LRP4: variants seen among roughly 807,000 people sequenced by gnomAD.
LRP4 encodes the protein low-density lipoprotein receptor-related protein 4.
LRP4 carries 95 observed loss-of-function variants against 220.3 expected under a neutral mutation model. The ratio of observed to expected loss-of-function variants is 0.43; its 90% CI spans 0.37 to 0.51. The LOEUF (loss-of-function observed/expected upper bound fraction) is 0.51. Ranked by LOEUF, LRP4 falls within the 20% of genes least tolerant of loss-of-function variation. The probability of loss-of-function intolerance (pLI) is 0.00; values close to 1 mark genes in which losing one functional copy is unlikely to be tolerated. For synonymous variants in LRP4, 903 were observed against 954.6 expected (o/e 0.95, Z 1.00); for missense variants, 1,925 against 2,567.0 (o/e 0.75, Z 5.40).
In LRP4 at chr11:46,889,481, G is replaced by C; in HGVS notation, c.2145C>G (p.Pro715=). The change falls in exon 16 of 38, where the codon CCC becomes CCG. Residue 715 remains proline, a synonymous_variant. Transcript: ENST00000378623. ...NNGGCTHLCL[P]SGQNYTCACP... ...AGGCACAGGTGTAGTTCTGGCCACTGGGCAGACACAGGTGCGTGCAGCCTC... is the reference window on the plus strand; with the variant it reads ...AGGCACAGGTGTAGTTCTGGCCACTCGGCAGACACAGGTGCGTGCAGCCTC... The C allele has an allele frequency of 1.9e-6, 3 of 1,614,100 alleles. No individual in the cohort carries two copies. The highest frequency in any genetic ancestry group is 2.5e-6 in the Non-Finnish European group (3 of 1,180,030).
intron 20 of LRP4, among the ~76,000 whole-genome samples, chr11:46,879,925 C>T (rs753444108): frequency 6.6e-5 from 10 of 151,990 alleles, no homozygotes. Flanking sequence ...GCCAACATGG[C>T]GAAACCCTGT....
At chr11:46,881,201 C>A (rs1016643991) in intron 20 of LRP4, among the ~76,000 whole-genome samples, 5 of 151,636 alleles carry the variant, frequency 3.3e-5, no homozygotes, top group African/African-American at 4.8e-5. Context: ...GAGTCAAGGG[C>A]AGGCTGTCTC....
intron 1 of LRP4, among the ~76,000 whole-genome samples, chr11:46,914,932 T>C (rs1941924505): frequency 6.6e-6 from 1 of 151,932 alleles, no homozygotes; most frequent in Non-Finnish European, 1.5e-5. Flanking sequence ...GTAGAAAGAG[T>C]GAGCAAAGAG....
Position 46,898,596 on chromosome 11 carries a change from T to G in LRP4, c.758A>C (p.Asp253Ala), listed in dbSNP as rs765380836. The G allele has an allele frequency of 1.5e-5, 24 of 1,614,050 alleles. No homozygotes were observed. The highest frequency in any genetic ancestry group is 2.0e-5 in the Non-Finnish European group (24 of 1,180,028). The change falls in exon 7 of 38, where the codon GAC becomes GCC. Residue 253 changes from aspartate (D) to alanine (A), a missense_variant. By Grantham distance (126) the Asp-to-Ala change is moderately radical (BLOSUM62 -2). Coordinates refer to ENST00000378623, the MANE Select transcript of LRP4 (RefSeq NM_002334.4). ...CINAGWRCDGDADCDDQSDER... is the reference protein window; with the variant it reads ...CINAGWRCDGAADCDDQSDER... ...ATCAGACTGGTCATCACAGTCCGCG[T>G]CACCATCGCAGCGCCAGCCTGCATT...
chr11:46,887,219 T>C (rs1430679945), intron 16 of LRP4, among the ~76,000 whole-genome samples: 2 of 152,220 alleles, frequency 1.3e-5, no homozygotes, highest in Non-Finnish European at 2.9e-5. Context: ...CCTCTGCCTT[T>C]CCTCTGGTCA....
chr11:46,906,696 T>A (rs912645988), intron 1 of LRP4, among the ~76,000 whole-genome samples: 3 of 152,186 alleles, frequency 2.0e-5, no homozygotes, highest in East Asian at 3.9e-4. Context: ...AAAGTCATAC[T>A]GGTAGGGAAG....
Position 46,862,777 on chromosome 11 carries a change from TCGAGATCTTTAAGGG to T in LRP4, c.5244-45_5244-31del, listed in dbSNP as rs1263877458. On this transcript the variant is annotated intron_variant, in intron 36 of 37. Transcript: ENST00000378623. ...AGGAGGGAAGGTGATGAGAAATTAG[TCGAGATCTTTAAGGG>T]GATGATACCTGGGAAAGCTGTAAAC... 3.1e-6 allele frequency: 5 copies of T among 1,610,304 alleles called. No individual in the cohort carries two copies. The African/African-American group carries it at 5.4e-5, about 17-fold the overall frequency.
chr11:46,876,500 T>A lies in LRP4; in HGVS notation c.3502A>T (p.Ser1168Cys). 1 of 1,614,204 alleles carries A rather than the reference T, an allele frequency of 6.2e-7. No homozygotes were observed. Among genetic ancestry groups the A allele is most frequent in the Non-Finnish European group, 8.5e-7 (1 of 1,180,044 alleles). Residue 1168 changes from serine to cysteine, a missense_variant, in exon 25 of 38, where the codon AGT becomes TGT. Ser to Cys is a moderately radical substitution (Grantham distance 112). Transcript: ENST00000378623. ...RKVLVWQNLDSPRAIVLYHEM... is the reference protein window; with the variant it reads ...RKVLVWQNLDCPRAIVLYHEM... ...TGGTACAGTACGATGGCCCGGGGACTGTCAAGGTTCTGCCACACCAACACT... is the reference window on the plus strand; with the variant it reads ...TGGTACAGTACGATGGCCCGGGGACAGTCAAGGTTCTGCCACACCAACACT...
intron 1 of LRP4, among the ~76,000 whole-genome samples, chr11:46,905,063 C>T (rs1941737840): frequency 1.3e-5 from 2 of 151,490 alleles, no homozygotes; most frequent in African/African-American, 4.8e-5. Context: ...TGTCTCTAGA[C>T]CTCACAGGAA....
At chr11:46,885,005 A>G (rs955569010) in intron 18 of LRP4, among the ~76,000 whole-genome samples, 1 of 152,036 alleles carries the variant, frequency 6.6e-6, no homozygotes, top group Non-Finnish European at 1.5e-5. Context: ...TGTTTTTTGG[A>G]GACAGGCTCT....
At chr11:46,898,710 G>A (rs906752691) in intron 6 of LRP4, 33 bp from the exon 7 acceptor site, 1 of 1,613,504 alleles carries the variant, frequency 6.2e-7, no homozygotes. Context: ...TCTCTAGCCA[G>A]TCTGTGCAGT....
rs1215772205 is a variant in LRP4 at position 46,858,589 on chromosome 11, T to TGCTG, written c.*390_*393dup. 3.1e-6 allele frequency: 1 copy of TGCTG among 317,546 alleles called. No homozygotes were observed. Among genetic ancestry groups the TGCTG allele is most frequent in the Non-Finnish European group, 6.2e-6 (1 of 161,622 alleles). The allele number at this position is 317,546 out of a possible 1,614,324, so 19.7% of individuals were successfully genotyped here. The stretch of plus-strand genomic sequence containing the variant: ...GCAAGTTCTCTCAGAGAAGCAGTCA[T>TGCTG]GCTGGCTGTGATGGGGCAGAGCGCA... On this transcript the variant is annotated 3_prime_UTR_variant, in exon 38 of 38. Transcript: ENST00000378623.
At chr11:46,893,432 C>G (rs1329950381) in intron 12 of LRP4, among the ~76,000 whole-genome samples, 1 of 152,198 alleles carries the variant, frequency 6.6e-6, no homozygotes, top group African/African-American at 2.4e-5. Flanking sequence ...CAGGGTCCCC[C>G]ACTGCACTGA....
chr11:46,908,421 T>C (rs1941797177), intron 1 of LRP4, among the ~76,000 whole-genome samples: 1 of 152,216 alleles, frequency 6.6e-6, no homozygotes, highest in Admixed American at 6.5e-5. Flanking sequence ...GCCAACCTAA[T>C]ATTATCACCA....
Position 46,884,073 on chromosome 11 carries a change from A to C in LRP4, c.2507-97T>G, listed in dbSNP as rs1011110933. The C allele has an allele frequency of 3.1e-5, 28 of 902,842 alleles. No homozygotes were observed. The East Asian group carries it at 6.8e-4, about 22-fold the overall frequency. 55.9% of individuals were successfully genotyped at this position (902,842 alleles called of 1,614,324 possible). On this transcript the variant is annotated intron_variant, in intron 18 of 37. Coordinates refer to ENST00000378623, the MANE Select transcript of LRP4 (RefSeq NM_002334.4). ...AGAGCCTGGTATGCGCCAGCAGAGC[A>C]CAGAGTAGGGGCTCAAAAGATATTT...
intron 10 of LRP4, 67 bp downstream of exon 10, chr11:46,895,817 A>T (rs1941515610): frequency 6.3e-7 from 1 of 1,599,928 alleles, no homozygotes; most frequent in Admixed American, 1.7e-5. Flanking sequence ...CCCATAGGAA[A>T]CACAGCTGCC....
chr11:46,897,863 T>C (rs1279043345), intron 7 of LRP4, among the ~76,000 whole-genome samples: 2 of 152,260 alleles, frequency 1.3e-5, no homozygotes, highest in African/African-American at 4.8e-5. Context: ...ATTGTCATCA[T>C]GGCCCGTTCT....
intron 23 of LRP4, 133 bp downstream of exon 23, chr11:46,877,066 G>T: frequency 9.2e-7 from 1 of 1,089,946 alleles, no homozygotes; most frequent in Non-Finnish European, 1.4e-6. Flanking sequence ...GACAGGGACA[G>T]GGGCTATGCC....
intron 2 of LRP4, among the ~76,000 whole-genome samples, chr11:46,901,239 A>G (rs1941659896): frequency 6.6e-6 from 1 of 152,180 alleles, no homozygotes; most frequent in South Asian, 2.1e-4. Flanking sequence ...AGAACAACCC[A>G]AAGAACTCAC....
Sources: gnomAD v4.1 joint callset for allele counts (sites outside exome capture counted in the v4.1 genomes callset) on GRCh38, gnomAD v4.1.1 for gene constraint, MANE v1.5 for transcripts, NCBI Gene and HGNC (gene_info 2026-07-23, HGNC 2026-07-21) for gene names.